The following PPM1L variants were observed in gnomAD, a reference collection of about 807,000 sequenced individuals.
PPM1L encodes the protein protein phosphatase, Mg2+/Mn2+ dependent 1L.
In PPM1L, 13 loss-of-function variants were observed where a neutral mutation model predicts 31.4. The ratio of observed to expected loss-of-function variants is 0.41; its 90% CI spans 0.27 to 0.66. The LOEUF (loss-of-function observed/expected upper bound fraction) is 0.66, where lower values mean the gene tolerates loss of function less well. Among genes scored for constraint, PPM1L ranks in the 30% least tolerant of loss-of-function variants. The pLI is 0.29. For missense variants in PPM1L, 326 were observed against 453.7 expected, an observed-to-expected ratio of 0.72 and a Z score of 2.56; for synonymous variants, 184 against 175.4, an observed-to-expected ratio of 1.05 and a Z score of -0.39.
At chr3:160,797,082 T>A (rs1314859442) in intron 1 of PPM1L, among the ~76,000 whole-genome samples, 2 of 152,212 alleles carry the variant, frequency 1.3e-5, no homozygotes, top group Non-Finnish European at 2.9e-5. Context: ...TGTTTTGTTT[T>A]TAAACAAATT....
chr3:160,949,155 A>T (rs1417697373), intron 1 of PPM1L, among the ~76,000 whole-genome samples: 1 of 152,164 alleles, frequency 6.6e-6, no homozygotes, highest in Non-Finnish European at 1.5e-5. Context: ...GATGAAGCCC[A>T]GTGACCGAAT....
intron 1 of PPM1L, among the ~76,000 whole-genome samples, chr3:160,794,797 A>G (rs906145600): frequency 1.3e-5 from 2 of 152,222 alleles, no homozygotes. Flanking sequence ...AATCGCAAGA[A>G]AATCTCAGAA....
At chr3:160,982,423 C>T (rs115176652) in intron 2 of PPM1L, among the ~76,000 whole-genome samples, 2,820 of 152,258 alleles carry the variant, frequency 0.019, 87 homozygotes, top group African/African-American at 0.065. Flanking sequence ...ATGTCTCTCT[C>T]CTTTATCACT....
chr3:160,789,211 A>G (rs1712025948), intron 1 of PPM1L, among the ~76,000 whole-genome samples: 1 of 151,926 alleles, frequency 6.6e-6, no homozygotes, highest in African/African-American at 2.4e-5. Flanking sequence ...CTTATTCTCA[A>G]GACTTTTTAA....
intron 2 of PPM1L, among the ~76,000 whole-genome samples, chr3:160,991,256 C>A (rs1717127172): frequency 6.6e-6 from 1 of 152,088 alleles, no homozygotes; most frequent in Non-Finnish European, 1.5e-5. Flanking sequence ...AGTTCTTTCC[C>A]AAACCATTTT....
At chr3:160,945,832 C>G (rs1050200393) in intron 1 of PPM1L, among the ~76,000 whole-genome samples, 2 of 152,062 alleles carry the variant, frequency 1.3e-5, no homozygotes, top group Non-Finnish European at 2.9e-5. Context: ...TATGATGATC[C>G]ACTTACACTT....
rs72619307 is a variant in PPM1L, at chr3:160,788,671, A to G, written c.399+31964A>G. Among the ~76,000 whole-genome samples the G allele has an allele frequency of 2.1e-3, 325 of 152,082 alleles. 8 individuals are homozygous for G. In the East Asian group the frequency reaches 0.057, roughly 27 times the overall value. On this transcript the variant is annotated intron_variant, in intron 1 of 3. Coordinates refer to ENST00000498165, the MANE Select transcript of PPM1L (RefSeq NM_139245.4). ...CATTTAGAAGTGATAAAGTTTATCTATTGTTTTTGTCTAGTATTTTAATGG... is the reference window on the plus strand; with the variant it reads ...CATTTAGAAGTGATAAAGTTTATCTGTTGTTTTTGTCTAGTATTTTAATGG...
chr3:160,810,786 G>A (rs976574126), intron 1 of PPM1L, among the ~76,000 whole-genome samples: 5 of 152,182 alleles, frequency 3.3e-5, no homozygotes, highest in Admixed American at 6.5e-5. Context: ...TCTGAATGTC[G>A]TTTAAAATGC....
intron 1 of PPM1L, among the ~76,000 whole-genome samples, chr3:160,951,667 T>C (rs192978631): frequency 6.6e-6 from 1 of 152,328 alleles, no homozygotes; most frequent in East Asian, 1.9e-4. Flanking sequence ...TAGTGTCAGA[T>C]TGAATATGAA....
At chr3:160,852,003 T>A (rs561541373) in intron 1 of PPM1L, among the ~76,000 whole-genome samples, 2 of 152,254 alleles carry the variant, frequency 1.3e-5, no homozygotes, top group South Asian at 4.1e-4. Flanking sequence ...TCCTATGTTC[T>A]GTTTTATACA....
chr3:160,787,626 T>C (rs559705499), intron 1 of PPM1L, among the ~76,000 whole-genome samples: 1 of 152,266 alleles, frequency 6.6e-6, no homozygotes, highest in East Asian at 1.9e-4. Flanking sequence ...TGTCAATTTT[T>C]GTTTTGTTGC....
At chr3:160,895,443 C>A (rs1027519063) in intron 1 of PPM1L, among the ~76,000 whole-genome samples, 19 of 152,198 alleles carry the variant, frequency 1.2e-4, no homozygotes, top group Admixed American at 2.0e-4. Flanking sequence ...GTCTCAAACT[C>A]CTGGCTTCAA....
At chr3:160,993,650 G>A (rs1019622113) in intron 2 of PPM1L, among the ~76,000 whole-genome samples, 2 of 152,102 alleles carry the variant, frequency 1.3e-5, no homozygotes, top group African/African-American at 2.4e-5. Flanking sequence ...TGGAGGGACC[G>A]AGATTCCCAT....
At chr3:160,782,187 A>G (rs1397314844) in intron 1 of PPM1L, among the ~76,000 whole-genome samples, 4 of 152,042 alleles carry the variant, frequency 2.6e-5, no homozygotes, top group African/African-American at 7.2e-5. Flanking sequence ...TGCCAAATAA[A>G]TGTTGTCATG....
At chr3:160,949,115 T>C (rs1412629443) in intron 1 of PPM1L, among the ~76,000 whole-genome samples, 4 of 152,138 alleles carry the variant, frequency 2.6e-5, no homozygotes, top group Admixed American at 2.0e-4. Context: ...TAGAAGCAGT[T>C]GGTTGGAATA....
Position 161,065,427 on chromosome 3 carries a change from T to A in PPM1L, c.599T>A (p.Leu200Gln). 6.2e-7 allele frequency: 1 copy of A among 1,614,088 alleles called. No individual in the cohort carries two copies. The highest frequency in any genetic ancestry group is 8.5e-7 in the Non-Finnish European group (1 of 1,179,948). The stretch of plus-strand genomic sequence containing the variant: ...GGCACAACGTGTTTGATTGCTCTGC[T>A]ATCAGATAAAGACCTCACTGTGGCC... The part of the protein sequence containing the change: ...EAGTTCLIAL[L>Q]SDKDLTVANV... The change falls in exon 3 of 4, where the codon CTA (leucine) becomes CAA (glutamine). Residue 200 changes from leucine (L) to glutamine (Q), a missense_variant. Coordinates refer to ENST00000498165, the MANE Select transcript of PPM1L (RefSeq NM_139245.4).
At chr3:160,842,744 GC>G (rs1158544792) in intron 1 of PPM1L, among the ~76,000 whole-genome samples, 2 of 152,100 alleles carry the variant, frequency 1.3e-5, no homozygotes, top group Admixed American at 1.3e-4. Context: ...AATATCCAAA[GC>G]TATTTTCAGT....
chr3:160,834,465 A>ATG (rs1293987142), intron 1 of PPM1L, among the ~76,000 whole-genome samples: 18 of 115,422 alleles, frequency 1.6e-4, no homozygotes, highest in African/African-American at 6.1e-4. Flanking sequence ...GCATTTGTGT[A>ATG]TGTGTATGTG....
chr3:161,022,084 C>A, intron 2 of PPM1L: 1 of 627,572 alleles, frequency 1.6e-6, no homozygotes, highest in East Asian at 2.9e-5. Flanking sequence ...CTTTATCACT[C>A]CATTATTGCA....
Sources: allele counts gnomAD v4.1 joint callset (sites outside exome capture counted in the v4.1 genomes callset), GRCh38; gene constraint gnomAD v4.1.1; transcripts MANE v1.5; gene names NCBI Gene and HGNC (gene_info 2026-07-23, HGNC 2026-07-21).